SYNE2: variants seen among roughly 807,000 people sequenced by gnomAD.
The protein encoded by SYNE2 is spectrin repeat containing nuclear envelope protein 2.
In SYNE2, 431 loss-of-function variants were observed where a neutral mutation model predicts 856.3. That is an observed-to-expected ratio of 0.50 (90% CI 0.47 to 0.55). SYNE2 has a LOEUF of 0.55. Ranked by LOEUF, SYNE2 falls within the 20% of genes least tolerant of loss-of-function variation. The pLI is 0.00. For missense variants in SYNE2, 8,129 were observed against 8,023.2 expected, an observed-to-expected ratio of 1.01 and a Z score of -0.50; for synonymous variants, 2,923 against 2,872.3, an observed-to-expected ratio of 1.02 and a Z score of -0.56.
intron 45 of SYNE2, among the ~76,000 whole-genome samples, chr14:64,032,449 C>T (rs1393863714): frequency 1.3e-5 from 2 of 152,146 alleles, no homozygotes; most frequent in Non-Finnish European, 2.9e-5. Context: ...GTTATCCCAG[C>T]TCCTTGGGAG....
At chr14:64,088,138 G>A (rs2097578151) in intron 58 of SYNE2, among the ~76,000 whole-genome samples, 1 of 152,160 alleles carries the variant, frequency 6.6e-6, no homozygotes, top group Non-Finnish European at 1.5e-5. Context: ...AGCCAAGATT[G>A]CGCCACTGCA....
intron 1 of SYNE2, among the ~76,000 whole-genome samples, chr14:63,830,784 A>G (rs1415780228): frequency 1.3e-5 from 2 of 150,082 alleles, no homozygotes; most frequent in African/African-American, 4.9e-5. Context: ...ATACTATTCT[A>G]TTATTAAATG....
At chr14:64,205,486 AAATT>A (rs2098600923) in intron 100 of SYNE2, among the ~76,000 whole-genome samples, 1 of 152,218 alleles carries the variant, frequency 6.6e-6, no homozygotes, top group South Asian at 2.1e-4. Flanking sequence ...TAAATATAAT[AAATT>A]AATTGCTTCC....
At chr14:63,863,095 G>A (rs1317666170) in intron 1 of SYNE2, among the ~76,000 whole-genome samples, 2 of 152,184 alleles carry the variant, frequency 1.3e-5, no homozygotes, top group African/African-American at 4.8e-5. Context: ...ACCGTGCCTG[G>A]CCTTGGGGCA....
At chr14:64,212,154 A>C in intron 104 of SYNE2, 56 bp downstream of exon 104, 1 of 1,610,924 alleles carries the variant, frequency 6.2e-7, no homozygotes, top group South Asian at 1.1e-5. Flanking sequence ...TGCGTGGGAG[A>C]GCTGGCCAAG....
intron 1 of SYNE2, among the ~76,000 whole-genome samples, chr14:63,792,405 A>G (rs1190828646): frequency 1.3e-5 from 2 of 151,950 alleles, no homozygotes; most frequent in Non-Finnish European, 2.9e-5. Flanking sequence ...AATACAAAAC[A>G]TTAGGCTGGC....
chr14:64,002,256 C>A (rs2096761186), intron 29 of SYNE2, among the ~76,000 whole-genome samples, 175 bp downstream of exon 29: 1 of 151,872 alleles, frequency 6.6e-6, no homozygotes, highest in Non-Finnish European at 1.5e-5. Context: ...TAATTCCTTG[C>A]AAATTTGGAG....
chr14:64,032,228 C>T (rs1290967836), intron 45 of SYNE2, among the ~76,000 whole-genome samples: 1 of 152,222 alleles, frequency 6.6e-6, no homozygotes, highest in Non-Finnish European at 1.5e-5. Context: ...TATGGAGCAT[C>T]TCTCTGTGAG....
At chr14:63,790,606 A>T (rs1043770024) in intron 1 of SYNE2, among the ~76,000 whole-genome samples, 13 of 152,284 alleles carry the variant, frequency 8.5e-5, no homozygotes, top group African/African-American at 2.9e-4. Context: ...AGCATTTCCA[A>T]GGTATACAGT....
At chr14:63,786,242 T>C (rs1595108714) in intron 1 of SYNE2, among the ~76,000 whole-genome samples, 1 of 106,568 alleles carries the variant, frequency 9.4e-6, no homozygotes, top group East Asian at 2.4e-4. Context: ...ACAGCAAGAC[T>C]GTCTCAAAAA....
At chr14:63,913,564 G>A (rs2153362453) in intron 2 of SYNE2, among the ~76,000 whole-genome samples, 1 of 151,360 alleles carries the variant, frequency 6.6e-6, no homozygotes, top group Admixed American at 6.6e-5. Flanking sequence ...CAGAGTTCAA[G>A]TGATTCTCCT....
chr14:64,097,522 GA>G (rs1567286188), intron 61 of SYNE2, among the ~76,000 whole-genome samples: 1 of 152,210 alleles, frequency 6.6e-6, no homozygotes, highest in Non-Finnish European at 1.5e-5. Context: ...GGACACAATG[GA>G]AAGTCTGCAT....
intron 78 of SYNE2, 30 bp downstream of exon 78, chr14:64,134,230 G>T (rs1453554550): frequency 6.2e-7 from 1 of 1,611,868 alleles, no homozygotes; most frequent in Admixed American, 1.7e-5. Flanking sequence ...GTTATCAAAG[G>T]CGTGTCCATA....
intron 66 of SYNE2, among the ~76,000 whole-genome samples, chr14:64,118,730 G>A (rs538807297): frequency 1.3e-5 from 2 of 151,982 alleles, no homozygotes; most frequent in South Asian, 4.2e-4. Context: ...GCGTGGTGGC[G>A]CACTCTTGTA....
At chr14:63,931,426 T>A (rs1316454740) in intron 2 of SYNE2, among the ~76,000 whole-genome samples, 1 of 151,838 alleles carries the variant, frequency 6.6e-6, no homozygotes. Flanking sequence ...GGAGGGCACC[T>A]GTAATCCCAG....
Position 64,024,436 on chromosome 14 carries a change from A to C in SYNE2, c.5817A>C (p.Glu1939Asp), listed in dbSNP as rs2096961626. 6.2e-7 allele frequency: 1 copy of C among 1,614,024 alleles called. No individual in the cohort carries two copies. Among genetic ancestry groups the C allele is most frequent in the Admixed American group, 1.7e-5 (1 of 60,004 alleles). The part of the protein sequence containing the change: ...SICQARAKEL[E>D]DSLQQLLRLQ... Reference sequence around the variant, plus strand: ...GCCAGGCTCGAGCAAAGGAGCTTGAAGACTCCTTGCAGCAGCTACTGAGGT... The same window carrying C: ...GCCAGGCTCGAGCAAAGGAGCTTGACGACTCCTTGCAGCAGCTACTGAGGT... The change falls in exon 39 of 116, where the codon GAA (glutamate) becomes GAC (aspartate). Residue 1939 changes from glutamate (E) to aspartate (D), a missense_variant. Around this residue, in one of 3 missense-constraint regions of SYNE2, gnomAD observed 2,422 missense variants for 2,357.4 expected, o/e 1.03. Coordinates refer to ENST00000555002, the MANE Select transcript of SYNE2 (RefSeq NM_182914.3).
intron 61 of SYNE2, among the ~76,000 whole-genome samples, chr14:64,097,406 TG>T (rs2153634928): frequency 6.6e-6 from 1 of 152,348 alleles, no homozygotes; most frequent in East Asian, 1.9e-4. Context: ...ATGAGATTTC[TG>T]TCTTCATTTT....
intron 1 of SYNE2, among the ~76,000 whole-genome samples, chr14:63,832,890 A>AAG (rs1889721379): frequency 6.7e-6 from 1 of 148,612 alleles, no homozygotes; most frequent in Non-Finnish European, 1.5e-5. Context: ...AAAAAAAAAA[A>AAG]TTAGTCCGGT....
At chr14:63,919,972 G>GTTTTTTTTTTTTTTTTTTTTTTTT (rs10673123) in intron 2 of SYNE2, among the ~76,000 whole-genome samples, 29 of 110,578 alleles carry the variant, frequency 2.6e-4, no homozygotes, top group African/African-American at 5.4e-4. Flanking sequence ...TAAAAGGTAA[G>GTTTTTTTTTTTTTTTTTTTTTTTT]TTTTTTTTTT....
Sources: gnomAD v4.1 joint callset for allele counts (sites outside exome capture counted in the v4.1 genomes callset) on GRCh38, gnomAD v4.1.1 for gene constraint, gnomAD v4.1.1 regional missense constraint, MANE v1.5 for transcripts, NCBI Gene and HGNC (gene_info 2026-07-23, HGNC 2026-07-21) for gene names.